Variants in GPHN observed in about 807,000 individuals in gnomAD.
The protein encoded by GPHN is gephyrin.
GPHN carries 17 observed loss-of-function variants against 95.5 expected under a neutral mutation model. That is an observed-to-expected ratio of 0.18 (90% CI 0.12 to 0.27). The LOEUF is 0.27. Ranked by LOEUF, GPHN falls within the 10% of genes least tolerant of loss-of-function variation. GPHN has a pLI of 1.00. For synonymous variants in GPHN, 320 were observed against 322.5 expected (o/e 0.99, Z 0.08); for missense variants, 660 against 978.1 (o/e 0.67, Z 4.34).
the GPHN span, among the ~76,000 whole-genome samples, chr14:67,638,540 T>A: frequency 6.6e-6 from 1 of 152,162 alleles, no homozygotes; most frequent in Admixed American, 6.5e-5. Context: ...ACGCCCCTGA[T>A]CCTCAGTGAA....
chr14:66,940,631 T>C (rs548550487), intron 8 of GPHN, among the ~76,000 whole-genome samples: 6 of 152,326 alleles, frequency 3.9e-5, no homozygotes, highest in African/African-American at 1.4e-4. Flanking sequence ...CCTTTATTCA[T>C]GAAACAAGAA....
At chr14:66,717,894 GT>G (rs1376847034) in intron 2 of GPHN, among the ~76,000 whole-genome samples, 4 of 152,218 alleles carry the variant, frequency 2.6e-5, no homozygotes, top group African/African-American at 9.6e-5. Flanking sequence ...ACCAGCAGCT[GT>G]TCCAGTGGAG....
chr14:66,537,625 G>C lies in GPHN; in HGVS notation c.64+29034G>C, dbSNP rs570174301. 7.2e-5 allele frequency among the ~76,000 whole-genome samples: 11 copies of C among 151,902 alleles called. No homozygotes were observed. The South Asian group carries it at 2.1e-3, about 29-fold the overall frequency. ...AATATTCTTTTATATTTATCCACAT[G>C]TGTACCCTTTCTAATGCTCATAATT... On this transcript the variant is annotated intron_variant, in intron 1 of 22. Transcript: ENST00000478722.
At position 66,775,137 on chromosome 14, in the gene GPHN, A is replaced by G. The variant is rs569936150; in HGVS notation, c.144-1327A>G. Among the ~76,000 whole-genome samples the G allele has an allele frequency of 2.4e-3, 370 of 152,166 alleles. 4 individuals carry two copies. The highest frequency in any genetic ancestry group is 8.3e-3 in the African/African-American group (346 of 41,526). On this transcript the variant is annotated intron_variant, in intron 2 of 22. Transcript: ENST00000478722. ...TTATTTTGTCACCCAAGTAATAAGC[A>G]TAGTTTTTGGATCATTTGGTTGGGT... is the stretch of plus-strand genomic sequence containing the variant.
At chr14:67,080,604 T>G (rs1206735823) in intron 11 of GPHN, among the ~76,000 whole-genome samples, 1 of 152,066 alleles carries the variant, frequency 6.6e-6, no homozygotes, top group African/African-American at 2.4e-5. Context: ...TTTCACTGTC[T>G]TCTTCTTATT....
chr14:67,649,503 A>ATAAG, the GPHN span: 1 of 152,208 alleles, frequency 6.6e-6, no homozygotes, highest in South Asian at 2.1e-4. Context: ...GTCTGGAAAC[A>ATAAG]TAAGTCATGT....
chr14:67,179,974 A>G (rs1473247962), intron 22 of GPHN, among the ~76,000 whole-genome samples: 4 of 152,342 alleles, frequency 2.6e-5, no homozygotes, highest in Non-Finnish European at 5.9e-5. Context: ...TGTTCAACCA[A>G]TAAGTTCTGA....
chr14:67,224,888 A>G, the GPHN span: 1 of 387,000 alleles, frequency 2.6e-6, no homozygotes, highest in Non-Finnish European at 4.6e-6. Context: ...AAAAGGAGGG[A>G]GCCCTCTAAA....
chr14:67,508,551 C>T, the GPHN span, among the ~76,000 whole-genome samples: 4 of 152,052 alleles, frequency 2.6e-5, no homozygotes, highest in Middle Eastern at 6.8e-3. Context: ...CCTTGGACCA[C>T]CACCTTAACC....
chr14:67,473,436 T>G, the GPHN span: 2 of 1,614,050 alleles, frequency 1.2e-6, no homozygotes, highest in Non-Finnish European at 1.7e-6. The surrounding 1 kb of genome is among the most constrained non-coding windows in gnomAD (Gnocchi z 6.5). Context: ...AGTCTTGACA[T>G]GGCCGTTGGC....
intron 4 of GPHN, among the ~76,000 whole-genome samples, chr14:66,857,199 T>A (rs981257650): frequency 1.3e-5 from 2 of 151,534 alleles, no homozygotes; most frequent in African/African-American, 4.8e-5. Flanking sequence ...ATATGAAGAA[T>A]GAAATGAGAA....
At chr14:67,619,640 G>GAC in the GPHN span, among the ~76,000 whole-genome samples, 1 of 152,276 alleles carries the variant, frequency 6.6e-6, no homozygotes, top group African/African-American at 2.4e-5. Context: ...CCCGCGAAGG[G>GAC]ACACACCTGT....
intron 11 of GPHN, among the ~76,000 whole-genome samples, chr14:67,069,603 A>T (rs996825290): frequency 6.6e-6 from 1 of 152,264 alleles, no homozygotes; most frequent in Admixed American, 6.5e-5. Flanking sequence ...CAAAGAACCT[A>T]GGTCAAAGAC....
chr14:67,315,268 ATTTTT>A, the GPHN span, among the ~76,000 whole-genome samples: 6 of 101,590 alleles, frequency 5.9e-5, no homozygotes, highest in Admixed American at 1.2e-4. Flanking sequence ...CTTATTTTTA[ATTTTT>A]TTTTTTTTTT....
chr14:67,365,698 A>AT, the GPHN span, among the ~76,000 whole-genome samples: 2 of 152,158 alleles, frequency 1.3e-5, no homozygotes, highest in East Asian at 3.9e-4. Flanking sequence ...TCTTACTATA[A>AT]TTTGTTAGGT....
intron 8 of GPHN, among the ~76,000 whole-genome samples, chr14:66,959,143 A>C (rs2068729675): frequency 6.6e-6 from 1 of 152,140 alleles, no homozygotes; most frequent in African/African-American, 2.4e-5. Flanking sequence ...ATTACCTATC[A>C]ATATATTGTA....
intron 1 of GPHN, among the ~76,000 whole-genome samples, chr14:66,561,859 C>A (rs1363430409): frequency 6.6e-6 from 1 of 152,050 alleles, no homozygotes; most frequent in African/African-American, 2.4e-5. Flanking sequence ...GGCTGCATTT[C>A]TTTCTGGGGG....
the GPHN span, among the ~76,000 whole-genome samples, chr14:67,252,684 A>G: frequency 6.6e-6 from 1 of 152,204 alleles, no homozygotes; most frequent in Non-Finnish European, 1.5e-5. Flanking sequence ...GGTGTGAGGA[A>G]AAGACCCACA....
intron 2 of GPHN, among the ~76,000 whole-genome samples, chr14:66,716,731 C>T (rs575752753): frequency 2.0e-5 from 3 of 152,194 alleles, no homozygotes; most frequent in South Asian, 2.1e-4. Context: ...CGAATTTTCT[C>T]GGCAGTTGTT....
Sources: allele counts gnomAD v4.1 joint callset (sites outside exome capture counted in the v4.1 genomes callset), GRCh38; gene constraint gnomAD v4.1.1; non-coding constraint Gnocchi (gnomAD v3.1); transcripts MANE v1.5; gene names NCBI Gene and HGNC (gene_info 2026-07-23, HGNC 2026-07-21).